SORCS2: variants seen among roughly 807,000 people sequenced by gnomAD.
SORCS2 encodes VPS10 domain-containing receptor SorCS2.
SORCS2 carries 100 observed loss-of-function variants against 141.6 expected under a neutral mutation model. The ratio of observed to expected loss-of-function variants is 0.71; its 90% CI spans 0.60 to 0.83. The LOEUF (loss-of-function observed/expected upper bound fraction) is 0.83, where lower values mean the gene tolerates loss of function less well. Ranked by LOEUF, SORCS2 falls within the 40% of genes least tolerant of loss-of-function variation. The probability of loss-of-function intolerance (pLI) is 0.00; values close to 1 mark genes in which losing one functional copy is unlikely to be tolerated. For missense variants in SORCS2, 1,646 were observed against 1,560.2 expected (o/e 1.05, Z -0.93); for synonymous variants, 789 against 676.9 (o/e 1.17, Z -2.57).
In SORCS2 at chr4:7,554,454, A is replaced by G. The variant is rs148302031; in HGVS notation, c.648+22825A>G. Among the ~76,000 whole-genome samples the G allele has an allele frequency of 7.8e-3, 1,186 of 152,262 alleles. 7 individuals are homozygous for G. Among genetic ancestry groups the G allele is most frequent in the African/African-American group, 0.027 (1,131 of 41,546 alleles). On this transcript the variant is annotated intron_variant, in intron 3 of 26. Transcript: ENST00000507866. The stretch of plus-strand genomic sequence containing the variant: ...CCATGTCCTCTCTGTGCTGACACTC[A>G]TTGGCCCTCCCCCAGAGGCCCTACT...
chr4:7,445,359 G>C (rs948295639), intron 2 of SORCS2, among the ~76,000 whole-genome samples: 3 of 152,158 alleles, frequency 2.0e-5, no homozygotes, highest in African/African-American at 4.8e-5. Flanking sequence ...CAGGGTTGAT[G>C]GGGGAGAGCC....
At chr4:7,630,389 C>T (rs1365509111) in intron 3 of SORCS2, among the ~76,000 whole-genome samples, 1 of 152,202 alleles carries the variant, frequency 6.6e-6, no homozygotes, top group East Asian at 1.9e-4. Flanking sequence ...AGAATGAAGA[C>T]CCCTCATATT....
intron 3 of SORCS2, among the ~76,000 whole-genome samples, chr4:7,593,369 T>G (rs1717041335): frequency 1.3e-5 from 2 of 152,136 alleles, no homozygotes; most frequent in African/African-American, 4.8e-5. Context: ...GCAGAGCAGG[T>G]GAGGCGGGAG....
At chr4:7,288,099 G>T (rs1335561339) in intron 1 of SORCS2, among the ~76,000 whole-genome samples, 4 of 152,184 alleles carry the variant, frequency 2.6e-5, no homozygotes, top group African/African-American at 9.7e-5. Context: ...GCTCCCCGGG[G>T]TTTCGATGCA....
intron 1 of SORCS2, among the ~76,000 whole-genome samples, chr4:7,232,595 T>A (rs1437517120): frequency 6.6e-6 from 1 of 152,212 alleles, no homozygotes; most frequent in South Asian, 2.1e-4. Context: ...CCCGCTCAGC[T>A]CCTACATTTC....
chr4:7,591,607 A>T (rs1450566856), intron 3 of SORCS2, among the ~76,000 whole-genome samples: 1 of 152,188 alleles, frequency 6.6e-6, no homozygotes, highest in African/African-American at 2.4e-5. Flanking sequence ...ACCCTGGGCA[A>T]TCTCTCTGGC....
At chr4:7,314,177 A>G (rs10446501) in intron 1 of SORCS2, among the ~76,000 whole-genome samples, 47,265 of 152,016 alleles carry the variant, frequency 0.31, 7,589 homozygotes, top group South Asian at 0.47. Context: ...CTGCCAAGCC[A>G]AGTGGGGTCG....
chr4:7,238,084 G>C (rs1241229621), intron 1 of SORCS2, among the ~76,000 whole-genome samples: 4 of 152,078 alleles, frequency 2.6e-5, no homozygotes, highest in African/African-American at 9.7e-5. Context: ...CTGGCAAGAG[G>C]GAGACAGCAT....
intron 7 of SORCS2, among the ~76,000 whole-genome samples, chr4:7,665,137 C>CAAG (rs1722426973): frequency 6.6e-6 from 1 of 152,166 alleles, no homozygotes; most frequent in Admixed American, 6.5e-5. Context: ...AAGTTTCCCC[C>CAAG]AAGGAAGCCC....
intron 4 of SORCS2, among the ~76,000 whole-genome samples, chr4:7,644,447 A>G (rs1244923270): frequency 6.6e-6 from 1 of 152,188 alleles, no homozygotes; most frequent in Non-Finnish European, 1.5e-5. Context: ...GGGGCAGGAA[A>G]AAGTCTCTGC....
chr4:7,551,908 A>G (rs1220607257), intron 3 of SORCS2, among the ~76,000 whole-genome samples: 2 of 152,334 alleles, frequency 1.3e-5, no homozygotes, highest in South Asian at 2.1e-4. Context: ...ACTCTGGTGT[A>G]AGAGAATAAT....
chr4:7,344,885 G>A lies in SORCS2; in HGVS notation c.481-51403G>A, dbSNP rs553815905. Among the ~76,000 whole-genome samples, 6 of 152,270 alleles carry A rather than the reference G, an allele frequency of 3.9e-5. No individual in the cohort carries two copies. The South Asian group carries it at 8.3e-4, about 21-fold the overall frequency. On this transcript the variant is annotated intron_variant, in intron 1 of 26. Coordinates refer to ENST00000507866, the MANE Select transcript of SORCS2 (RefSeq NM_020777.3). The stretch of plus-strand genomic sequence containing the variant: ...GTCTGCGTGAGGAGCACAGTGGATC[G>A]GAGGGGGAGTCTGGAAGCTTTTGGC...
intron 2 of SORCS2, among the ~76,000 whole-genome samples, chr4:7,415,769 T>C (rs1029313762): frequency 2.0e-5 from 3 of 152,348 alleles, no homozygotes; most frequent in African/African-American, 7.2e-5. Context: ...CTCGATAACC[T>C]AATTTTGTAA....
intron 1 of SORCS2, among the ~76,000 whole-genome samples, chr4:7,372,026 G>A (rs1722285499): frequency 6.6e-6 from 1 of 152,170 alleles, no homozygotes; most frequent in South Asian, 2.1e-4. Flanking sequence ...AGAGCAGTAT[G>A]GGCGACTTGT....
At chr4:7,267,550 G>A (rs1281460268) in intron 1 of SORCS2, among the ~76,000 whole-genome samples, 1 of 152,224 alleles carries the variant, frequency 6.6e-6, no homozygotes, top group African/African-American at 2.4e-5. Context: ...AGCTCAGCCA[G>A]CCAGGCACCG....
At chr4:7,710,683 C>T (rs1048960574) in intron 14 of SORCS2, among the ~76,000 whole-genome samples, 8 of 152,198 alleles carry the variant, frequency 5.3e-5, no homozygotes, top group Admixed American at 1.3e-4. Flanking sequence ...ATCCCAATCA[C>T]GGGTGCCCTG....
intron 1 of SORCS2, among the ~76,000 whole-genome samples, chr4:7,222,492 TG>T (rs1728767605): frequency 6.7e-6 from 1 of 148,928 alleles, no homozygotes; most frequent in Non-Finnish European, 1.5e-5. Context: ...GAGCGGGGCA[TG>T]GGGGTGGTAG....
At chr4:7,510,268 G>T (rs1732538691) in intron 2 of SORCS2, among the ~76,000 whole-genome samples, 1 of 152,214 alleles carries the variant, frequency 6.6e-6, no homozygotes, top group African/African-American at 2.4e-5. Flanking sequence ...GTCCGGGTGG[G>T]TCCTGAACTG....
chr4:7,207,524 C>G (rs891750632), intron 1 of SORCS2, among the ~76,000 whole-genome samples: 2 of 152,154 alleles, frequency 1.3e-5, no homozygotes, highest in Non-Finnish European at 2.9e-5. Flanking sequence ...GGGCCGGCTC[C>G]CCAGTCCTCC....
Sources: allele counts gnomAD v4.1 joint callset (sites outside exome capture counted in the v4.1 genomes callset), GRCh38; gene constraint gnomAD v4.1.1; transcripts MANE v1.5; gene names NCBI Gene and HGNC (gene_info 2026-07-23, HGNC 2026-07-21).